Variants in ADPRHL1 observed in about 807,000 individuals in gnomAD.
The protein encoded by ADPRHL1 is ADP-ribosylhydrolase like 1.
In ADPRHL1, 43 loss-of-function variants were observed where a neutral mutation model predicts 44.1. The observed-to-expected ratio is 0.98, with a 90% CI of 0.76 to 1.26. ADPRHL1 has a LOEUF of 1.26. Among genes scored for constraint, ADPRHL1 ranks in the 50% most tolerant of loss-of-function variants. The pLI is 0.00. For missense variants in ADPRHL1, 2,022 were observed against 2,496.9 expected (o/e 0.81, Z 4.05); for synonymous variants, 878 against 1,017.4 (o/e 0.86, Z 2.61).
intron 1 of ADPRHL1, chr13:113,448,896 G>C: frequency 2.1e-6 from 2 of 970,652 alleles, no homozygotes; most frequent in African/African-American, 1.8e-5. Context: ...AGTTTTCCCA[G>C]GGAGTGGGGG....
rs2043745531 is a variant in ADPRHL1 at position 113,400,119 on chromosome 13, T to C, written c.*3259A>G. 6.6e-6 allele frequency: 1 copy of C among 150,778 alleles called. No individual in the cohort carries two copies. Among genetic ancestry groups the C allele is most frequent in the Non-Finnish European group, 1.5e-5 (1 of 67,674 alleles). The allele number at this position is 150,778 out of a possible 1,614,324, so 9.3% of individuals were successfully genotyped here. A position where few individuals can be genotyped will look rare whatever the true frequency, so the allele number is the denominator to read the frequency against. ...ATGTTAACTAAGAAGCTAAAATAAA[T>C]ATCCTGTTTTCTTTTCTTTTCTTTT... is the stretch of plus-strand genomic sequence containing the variant. On this transcript the variant is annotated 3_prime_UTR_variant, in exon 8 of 8. Transcript: ENST00000612156.
At chr13:113,439,219 T>C (rs1355272377) in intron 2 of ADPRHL1, among the ~76,000 whole-genome samples, 1 of 151,902 alleles carries the variant, frequency 6.6e-6, no homozygotes. Flanking sequence ...GCCTCCCGGG[T>C]TCAAGTGATT....
chr13:113,434,449 A>G (rs2044032340), intron 2 of ADPRHL1, among the ~76,000 whole-genome samples: 1 of 149,176 alleles, frequency 6.7e-6, no homozygotes, highest in South Asian at 2.1e-4. Flanking sequence ...TAGAGTGAAC[A>G]TAGGTGTACC....
At chr13:113,437,167 C>T (rs375318063) in intron 2 of ADPRHL1, among the ~76,000 whole-genome samples, 2 of 129,400 alleles carry the variant, frequency 1.5e-5, no homozygotes, top group Admixed American at 7.7e-5. Flanking sequence ...AGCACCCACA[C>T]GTAGAGTGAA....
chr13:113,447,197 G>T (rs1434936878), intron 1 of ADPRHL1, among the ~76,000 whole-genome samples: 18 of 139,884 alleles, frequency 1.3e-4, no homozygotes, highest in Admixed American at 8.7e-4. Flanking sequence ...TACACGCACG[G>T]TGTTGTGTGT....
chr13:113,407,855 T>C lies in ADPRHL1; in HGVS notation c.1427A>G (p.Glu476Gly). 1 of 1,231,984 alleles carries C rather than the reference T, an allele frequency of 8.1e-7. No individual in the cohort carries two copies. The highest frequency in any genetic ancestry group is 1.0e-6 in the Non-Finnish European group (1 of 988,016). The allele number at this position is 1,231,984 out of a possible 1,614,324, so 76.3% of individuals were successfully genotyped here. The change falls in exon 8 of 8, where the codon GAG (glutamate) becomes GGG (glycine). Residue 476 changes from glutamate to glycine, a missense_variant. Physicochemically the swap from Glu to Gly is moderately conservative, Grantham distance 98. Coordinates refer to ENST00000612156, the MANE Select transcript of ADPRHL1 (RefSeq NM_001394807.1). Reference protein sequence around the residue: ...LVGATINKLLEKTKEPAPKPC... With the variant: ...LVGATINKLLGKTKEPAPKPC... ...CTTTGGGGCCGGCTCCTTGGTCTTC[T>C]CCAGGAGCTTGTTGATGGTGGCACC...
rs762877803 is a variant in ADPRHL1 at position 113,429,108 on chromosome 13, G to GAA, written c.506-17_506-16insTT. On this transcript the variant is annotated splice_polypyrimidine_tract_variant and intron_variant, in intron 3 of 7. Transcript: ENST00000612156. ...CCCAGGAAGCCTGGAGGGCAGGGAAGAGAGAGGGGGCACCATCACCTGGGC... is the reference window on the plus strand; with the variant it reads ...CCCAGGAAGCCTGGAGGGCAGGGAAGAAAGAGAGGGGGCACCATCACCTGGGC... The GAA allele has an allele frequency of 1.2e-6, 2 of 1,603,206 alleles. No homozygotes were observed. The highest frequency in any genetic ancestry group is 1.7e-5 in the Admixed American group (1 of 58,532).
Position 113,401,550 on chromosome 13 carries a change from G to C in ADPRHL1, c.*1828C>G, listed in dbSNP as rs1016037633. 56 of 152,198 alleles carry C rather than the reference G, an allele frequency of 3.7e-4. No individual in the cohort carries two copies. The highest frequency in any genetic ancestry group is 1.3e-3 in the African/African-American group (55 of 41,392). The allele number at this position is 152,198 out of a possible 1,614,324, so 9.4% of individuals were successfully genotyped here. On this transcript the variant is annotated 3_prime_UTR_variant, in exon 8 of 8. Coordinates refer to ENST00000612156, the MANE Select transcript of ADPRHL1 (RefSeq NM_001394807.1). The surrounding 1 kb of genome is among the most constrained non-coding windows in gnomAD (Gnocchi z 5.5). ...CAGGAGCCTCCACACACAGCAGCTC[G>C]CACTTAGAACCCACACGCCAAGCAG... is the stretch of plus-strand genomic sequence containing the variant.
chr13:113,425,224 G>C (rs943739136), intron 4 of ADPRHL1, 45 bp from the exon 5 acceptor site: 9 of 1,530,196 alleles, frequency 5.9e-6, no homozygotes, highest in Non-Finnish European at 8.0e-6. Context: ...GGCATCCATG[G>C]AGTGGGGCGG....
At chr13:113,423,899 C>T (rs1010068477) in intron 6 of ADPRHL1, among the ~76,000 whole-genome samples, 1 of 152,252 alleles carries the variant, frequency 6.6e-6, no homozygotes, top group Non-Finnish European at 1.5e-5. Flanking sequence ...CACCCCTACA[C>T]CCCACCTATT....
intron 6 of ADPRHL1, 52 bp from the exon 7 acceptor site, chr13:113,423,031 G>C: frequency 1.4e-5 from 22 of 1,607,984 alleles, no homozygotes; most frequent in Non-Finnish European, 1.8e-5. Context: ...CAGGGCCTCT[G>C]CAAGACCCCT....
chr13:113,440,172 A>ACC (rs1275702460), intron 2 of ADPRHL1, among the ~76,000 whole-genome samples: 3 of 152,230 alleles, frequency 2.0e-5, no homozygotes, highest in Admixed American at 6.5e-5. Flanking sequence ...AATGAAAGCC[A>ACC]ATGGCTGGAG....
chr13:113,437,168 G>A lies in ADPRHL1; in HGVS notation c.380-3301C>T, dbSNP rs866319741. Among the ~76,000 whole-genome samples, 793 of 142,496 alleles carry A rather than the reference G, an allele frequency of 5.6e-3. 6 individuals are homozygous for A. Among genetic ancestry groups the A allele is most frequent in the African/African-American group, 0.02 (757 of 37,142 alleles). 93.5% of individuals were successfully genotyped at this position (142,496 alleles called of 152,430 possible). ...GTACCCCGGGACCCAGCACCCACAC[G>A]TAGAGTGAACATAGGTGTACCCCGG... On this transcript the variant is annotated intron_variant, in intron 2 of 7. Transcript: ENST00000612156.
In ADPRHL1 at chr13:113,444,421, T is replaced by C. The variant is rs766358734; in HGVS notation, c.379+4A>G. ...TTAGGGGGAGAGGAGAGGATTTCCC[T>C]GACCTTTTTCATTGAACGGTGTGTG... is the stretch of plus-strand genomic sequence containing the variant. On this transcript the variant is annotated splice_donor_region_variant and intron_variant, in intron 2 of 7. Transcript: ENST00000612156. The C allele has an allele frequency of 2.5e-6, 4 of 1,613,454 alleles. No homozygotes were observed. In the Admixed American group the frequency reaches 6.7e-5, roughly 27 times the overall value.
chr13:113,448,775 C>G (rs1019793748), intron 1 of ADPRHL1, among the ~76,000 whole-genome samples: 2 of 152,232 alleles, frequency 1.3e-5, no homozygotes, highest in Non-Finnish European at 2.9e-5. Flanking sequence ...CACGGGCCTG[C>G]ACCAACTTCC....
At chr13:113,427,078 C>T (rs2043973302) in intron 4 of ADPRHL1, among the ~76,000 whole-genome samples, 1 of 152,174 alleles carries the variant, frequency 6.6e-6, no homozygotes, top group African/African-American at 2.4e-5. Flanking sequence ...TTTCTCAGAG[C>T]TTTAAACTGG....
At position 113,405,820 on chromosome 13, in the gene ADPRHL1, G is replaced by A. The variant is rs2043804097; in HGVS notation, c.3462C>T (p.Ala1154=). Residue 1154 remains alanine (A), a synonymous_variant, in exon 8 of 8, where the codon GCC becomes GCT. Transcript: ENST00000612156. ...CTCCTCTGGGGTGGCTTTCGGACAA[G>A]GCTCTGCTTCCCCACTGGCCCAGCG... is the stretch of plus-strand genomic sequence containing the variant. The part of the protein sequence containing the change: ...PETLGQWGSR[A]LSESHPRGEA... 2.4e-6 allele frequency: 3 copies of A among 1,231,866 alleles called. No homozygotes were observed. Among genetic ancestry groups the A allele is most frequent in the Non-Finnish European group, 3.0e-6 (3 of 988,034 alleles). 76.3% of individuals were successfully genotyped at this position (1,231,866 alleles called of 1,614,324 possible). A position where few individuals can be genotyped will look rare whatever the true frequency, so the allele number is the denominator to read the frequency against.
chr13:113,453,385 C>A lies in ADPRHL1; in HGVS notation c.53G>T (p.Gly18Val). The change falls in exon 1 of 8, where the codon GGC (glycine) becomes GTC (valine). Residue 18 changes from glycine to valine, a missense_variant. Around this residue, in one of 8 missense-constraint regions of ADPRHL1, gnomAD observed 437 missense variants for 430.7 expected, o/e 1.01. Transcript: ENST00000612156. The surrounding 1 kb of genome is among the most constrained non-coding windows in gnomAD (Gnocchi z 5.4). ...GTTCTCCTTGCAGACATTTCTGTAG[C>A]CAAGAGCATCGCCGACGCTCCCCAG... is the stretch of plus-strand genomic sequence containing the variant. The part of the protein sequence containing the change: ...MLLGSVGDAL[G>V]YRNVCKENST... 6.2e-7 allele frequency: 1 copy of A among 1,614,196 alleles called. No homozygotes were observed. The highest frequency in any genetic ancestry group is 8.5e-7 in the Non-Finnish European group (1 of 1,180,032).
chr13:113,423,153 C>T (rs1421180832), intron 6 of ADPRHL1, among the ~76,000 whole-genome samples, 174 bp from the exon 7 acceptor site: 3 of 152,024 alleles, frequency 2.0e-5, no homozygotes, highest in South Asian at 2.1e-4. Flanking sequence ...GCTACACAGG[C>T]GGCTGAGATG....
Sources: allele counts gnomAD v4.1 joint callset (sites outside exome capture counted in the v4.1 genomes callset), GRCh38; gene constraint gnomAD v4.1.1; regional missense constraint gnomAD v4.1.1; non-coding constraint Gnocchi (gnomAD v3.1); transcripts MANE v1.5; gene names NCBI Gene and HGNC (gene_info 2026-07-23, HGNC 2026-07-21).